The following FARS2 variants were observed in gnomAD, a reference collection of about 807,000 sequenced individuals.
The protein encoded by FARS2 is phenylalanyl-tRNA synthetase 2, mitochondrial, also known as phenylalanine--tRNA ligase, mitochondrial.
Under a neutral mutation model 46.4 loss-of-function variants are expected in FARS2, and 40 were observed. The ratio of observed to expected loss-of-function variants is 0.86; its 90% CI spans 0.67 to 1.12. The LOEUF (loss-of-function observed/expected upper bound fraction) is 1.12, where lower values mean the gene tolerates loss of function less well. Among genes scored for constraint, FARS2 ranks in the 50% most tolerant of loss-of-function variants. The probability of loss-of-function intolerance (pLI) is 0.00; values close to 1 mark genes in which losing one functional copy is unlikely to be tolerated. For synonymous variants in FARS2, 234 were observed against 214.9 expected (o/e 1.09, Z -0.78); for missense variants, 513 against 567.9 (o/e 0.90, Z 0.98).
At chr6:5,597,564 C>T (rs1030545816) in intron 5 of FARS2, among the ~76,000 whole-genome samples, 3 of 152,214 alleles carry the variant, frequency 2.0e-5, no homozygotes, top group African/African-American at 7.2e-5. Flanking sequence ...GCCATTTCTC[C>T]AGCAGCACTC....
At chr6:5,294,748 G>A (rs1767739874) in intron 1 of FARS2, among the ~76,000 whole-genome samples, 2 of 152,154 alleles carry the variant, frequency 1.3e-5, no homozygotes, top group Admixed American at 1.3e-4. Flanking sequence ...ATAGGGGAAG[G>A]GGTGTGGAGC....
intron 6 of FARS2, among the ~76,000 whole-genome samples, chr6:5,672,202 T>TAAA (rs1778506891): frequency 2.6e-5 from 4 of 152,128 alleles, no homozygotes; most frequent in African/African-American, 9.7e-5. Context: ...TGGTGGGGTT[T>TAAA]CCTCACCGAC....
chr6:5,431,361 G>A (rs192643645), intron 4 of FARS2, among the ~76,000 whole-genome samples, 189 bp downstream of exon 4: 10 of 152,236 alleles, frequency 6.6e-5, no homozygotes, highest in East Asian at 1.9e-4. Context: ...TCTCACATCC[G>A]TATTTGCAAA....
chr6:5,552,597 G>T (rs552423200), intron 5 of FARS2, among the ~76,000 whole-genome samples: 1 of 152,178 alleles, frequency 6.6e-6, no homozygotes, highest in Non-Finnish European at 1.5e-5. Context: ...GTCCTCACCT[G>T]TGTGACTCTT....
chr6:5,468,053 G>A (rs1229144653), intron 4 of FARS2, among the ~76,000 whole-genome samples: 2 of 152,220 alleles, frequency 1.3e-5, no homozygotes, highest in African/African-American at 4.8e-5. Context: ...AGAGTTGGAA[G>A]GGACCTGAGA....
At chr6:5,329,973 A>G (rs970258852) in intron 1 of FARS2, among the ~76,000 whole-genome samples, 1 of 152,124 alleles carries the variant, frequency 6.6e-6, no homozygotes, top group African/African-American at 2.4e-5. Flanking sequence ...CTTTCTGTTC[A>G]TGAGGCCCTC....
At chr6:5,672,205 T>C (rs1028322641) in intron 6 of FARS2, among the ~76,000 whole-genome samples, 4 of 152,162 alleles carry the variant, frequency 2.6e-5, no homozygotes, top group African/African-American at 9.7e-5. Context: ...TGGGGTTTCC[T>C]CACCGACCCA....
intron 6 of FARS2, among the ~76,000 whole-genome samples, chr6:5,641,078 A>G (rs1264254693): frequency 6.6e-6 from 1 of 152,118 alleles, no homozygotes; most frequent in Non-Finnish European, 1.5e-5. Context: ...GGGGAAGAGG[A>G]GTACTGTGAG....
At chr6:5,547,673 A>T (rs1771117514) in intron 5 of FARS2, among the ~76,000 whole-genome samples, 2 of 152,124 alleles carry the variant, frequency 1.3e-5, no homozygotes, top group African/African-American at 4.8e-5. Flanking sequence ...TATGAAGGAG[A>T]ATTGGCTGGC....
In FARS2 at chr6:5,369,037, C is replaced by T. The variant is rs146988468; in HGVS notation, c.467C>T (p.Thr156Met). The change falls in exon 2 of 7, where the codon ACG (threonine) becomes ATG (methionine). Residue 156 changes from threonine (T) to methionine (M), a missense_variant. Transcript: ENST00000274680. ...CGGACTCACATGCTGAGAGCGCACA[C>T]GTCTGCACACCAGTGGGACTTGCTG... Reference protein sequence around the residue: ...LNRTHMLRAHTSAHQWDLLHA... With the variant: ...LNRTHMLRAHMSAHQWDLLHA... The T allele has an allele frequency of 3.0e-5, 49 of 1,614,154 alleles. No individual in the cohort carries two copies. The highest frequency in any genetic ancestry group is 2.2e-4 in the East Asian group (10 of 44,874).
intron 6 of FARS2, 58 bp downstream of exon 6, chr6:5,613,378 TG>T: frequency 6.7e-7 from 1 of 1,495,516 alleles, no homozygotes; most frequent in East Asian, 2.3e-5. Context: ...AAATGTCATG[TG>T]GAAGCATATC....
chr6:5,270,899 C>T (rs1765899344), intron 1 of FARS2, among the ~76,000 whole-genome samples: 1 of 152,170 alleles, frequency 6.6e-6, no homozygotes, highest in Non-Finnish European at 1.5e-5. Context: ...CCTTCCCTTG[C>T]TAATTATTCT....
intron 2 of FARS2, among the ~76,000 whole-genome samples, chr6:5,373,671 C>T (rs973950744): frequency 2.0e-5 from 3 of 151,956 alleles, no homozygotes; most frequent in African/African-American, 7.2e-5. Flanking sequence ...TTCAAGTGTC[C>T]TTAAATACTC....
At chr6:5,488,833 GAC>G (rs1301026951) in intron 4 of FARS2, among the ~76,000 whole-genome samples, 1 of 152,110 alleles carries the variant, frequency 6.6e-6, no homozygotes, top group Non-Finnish European at 1.5e-5. Context: ...GCTTTCCTCA[GAC>G]ACACACATGT....
At chr6:5,376,592 A>G (rs537788582) in intron 2 of FARS2, among the ~76,000 whole-genome samples, 15 of 152,328 alleles carry the variant, frequency 9.8e-5, no homozygotes, top group East Asian at 7.7e-4. Flanking sequence ...CTGTTTTTAT[A>G]TTGAATACTT....
chr6:5,317,507 G>T (rs770825257), intron 1 of FARS2, among the ~76,000 whole-genome samples: 4 of 152,198 alleles, frequency 2.6e-5, no homozygotes, highest in Non-Finnish European at 4.4e-5. Flanking sequence ...CAGGCTGCGT[G>T]TGGTGGTTCA....
chr6:5,771,556 G>T lies in FARS2; in HGVS notation c.*127G>T. 2 of 991,022 alleles carry T rather than the reference G, an allele frequency of 2.0e-6. No homozygotes were observed. Among genetic ancestry groups the T allele is most frequent in the Non-Finnish European group, 1.5e-6 (1 of 684,882 alleles). The allele number at this position is 991,022 out of a possible 1,614,324, so 61.4% of individuals were successfully genotyped here. A position where few individuals can be genotyped will look rare whatever the true frequency, so the allele number is the denominator to read the frequency against. ...AAATGGATCAGTTTTAGGACTTTCA[G>T]AAAATAAAAGATCGCTCTTGAAAAG... On this transcript the variant is annotated 3_prime_UTR_variant, in exon 7 of 7. Transcript: ENST00000274680.
chr6:5,672,173 G>T (rs1166688417), intron 6 of FARS2, among the ~76,000 whole-genome samples: 1 of 152,058 alleles, frequency 6.6e-6, no homozygotes, highest in Non-Finnish European at 1.5e-5. Context: ...ACTGAAGTCT[G>T]TGGAATCTAA....
intron 6 of FARS2, among the ~76,000 whole-genome samples, chr6:5,748,059 G>T (rs930778316): frequency 6.6e-6 from 1 of 152,052 alleles, no homozygotes; most frequent in African/African-American, 2.4e-5. Flanking sequence ...TCCAAACCCA[G>T]TTCAACCCAC....
Sources: allele counts gnomAD v4.1 joint callset (sites outside exome capture counted in the v4.1 genomes callset), GRCh38; gene constraint gnomAD v4.1.1; transcripts MANE v1.5; gene names NCBI Gene and HGNC (gene_info 2026-07-23, HGNC 2026-07-21).